Variants in GNG2 observed in about 807,000 individuals in gnomAD.
The protein encoded by GNG2 is G protein subunit gamma 2.
A neutral mutation model predicts 5.5 loss-of-function variants in GNG2; 5 were observed. That is an observed-to-expected ratio of 0.91 (90% confidence interval 0.48 to 1.92). The LOEUF is 1.92. Among genes scored for constraint, GNG2 ranks in the 30% most tolerant of loss-of-function variants. GNG2 has a pLI of 0.01. For missense variants in GNG2, 55 were observed against 88.4 expected (o/e 0.62, Z 1.52); for synonymous variants, 28 against 32.0 (o/e 0.88, Z 0.42).
At chr14:51,962,265 T>C (rs549545992) in intron 3 of GNG2, among the ~76,000 whole-genome samples, 166 of 152,272 alleles carry the variant, frequency 1.1e-3, no homozygotes, top group Non-Finnish European at 2.1e-3. Flanking sequence ...TAGGTACTCC[T>C]TTGTTAACTG....
At chr14:51,929,871 T>C (rs1887551585) in intron 2 of GNG2, among the ~76,000 whole-genome samples, 1 of 152,192 alleles carries the variant, frequency 6.6e-6, no homozygotes, top group Non-Finnish European at 1.5e-5. Flanking sequence ...AAAATGTTTA[T>C]AGGAGGCTCA....
At chr14:51,838,680 A>G (rs973599246) in intron 2 of GNG2, among the ~76,000 whole-genome samples, 1 of 152,242 alleles carries the variant, frequency 6.6e-6, no homozygotes, top group Non-Finnish European at 1.5e-5. Context: ...ACTCCCGTTT[A>G]TATATACATC....
intron 2 of GNG2, among the ~76,000 whole-genome samples, chr14:51,947,250 A>G (rs548272056): frequency 2.0e-4 from 30 of 152,314 alleles, no homozygotes; most frequent in African/African-American, 4.6e-4. Flanking sequence ...TCATGTCCCA[A>G]TTCCCAGAAC....
At chr14:51,963,244 C>T (rs1183260109) in intron 3 of GNG2, among the ~76,000 whole-genome samples, 2 of 152,086 alleles carry the variant, frequency 1.3e-5, no homozygotes, top group African/African-American at 4.8e-5. Context: ...ATCAAATGTT[C>T]AAATATAAAG....
At chr14:51,843,303 T>C (rs1290100633) in intron 2 of GNG2, among the ~76,000 whole-genome samples, 1 of 152,154 alleles carries the variant, frequency 6.6e-6, no homozygotes, top group African/African-American at 2.4e-5. Context: ...TGCTCTTCTC[T>C]CTCTCTTACC....
upstream of GNG2, among the ~76,000 whole-genome samples, chr14:51,855,571 G>A (rs943935757): frequency 1.3e-5 from 2 of 152,186 alleles, no homozygotes; most frequent in African/African-American, 2.4e-5. Flanking sequence ...GCTTTTCTGT[G>A]ATAAAATAAC....
intron 2 of GNG2, among the ~76,000 whole-genome samples, chr14:51,894,113 CA>C (rs1885034532): frequency 6.6e-6 from 1 of 151,756 alleles, no homozygotes; most frequent in Non-Finnish European, 1.5e-5. Context: ...TGTTATATTG[CA>C]AAAAGGGGAA....
At chr14:51,826,243 T>G (rs974555266) in intron 1 of GNG2, 3 of 152,198 alleles carry the variant, frequency 2.0e-5, no homozygotes, top group Admixed American at 1.3e-4. Context: ...ACTGTGGCCC[T>G]TCCTATCTGT....
chr14:51,831,186 C>T (rs1170482846), intron 2 of GNG2, among the ~76,000 whole-genome samples: 1 of 152,226 alleles, frequency 6.6e-6, no homozygotes, highest in East Asian at 1.9e-4. Flanking sequence ...GAGGCCCCTG[C>T]GTTTAATATT....
intron 2 of GNG2, among the ~76,000 whole-genome samples, chr14:51,841,789 C>G (rs1433046477): frequency 6.6e-6 from 1 of 152,070 alleles, no homozygotes; most frequent in South Asian, 2.1e-4. Flanking sequence ...TTCTTTGGGG[C>G]CATACGATGA....
chr14:51,916,237 T>A (rs144329150), intron 2 of GNG2: 4 of 265,072 alleles, frequency 1.5e-5, no homozygotes, highest in African/African-American at 6.9e-5. Flanking sequence ...AGAGGCTAAT[T>A]TTAGACAGAG....
chr14:51,959,341 C>T (rs989591113), intron 3 of GNG2, among the ~76,000 whole-genome samples: 9 of 152,136 alleles, frequency 5.9e-5, no homozygotes, highest in African/African-American at 2.2e-4. Context: ...TCTTCACCCC[C>T]AAAAGTCTGT....
intron 2 of GNG2, among the ~76,000 whole-genome samples, chr14:51,935,041 T>TGG (rs1887901856): frequency 3.4e-5 from 5 of 145,798 alleles, no homozygotes; most frequent in African/African-American, 1.3e-4. Flanking sequence ...TTTTTTTTTT[T>TGG]GGAGACGGAG....
chr14:51,879,740 A>AT (rs1883918306), intron 2 of GNG2, among the ~76,000 whole-genome samples: 1 of 152,132 alleles, frequency 6.6e-6, no homozygotes, highest in Non-Finnish European at 1.5e-5. Flanking sequence ...AGGTTCTCTG[A>AT]TTTTTTAAGT....
chr14:51,857,105 G>T (rs773500829), upstream of GNG2, among the ~76,000 whole-genome samples: 2 of 152,150 alleles, frequency 1.3e-5, no homozygotes, highest in African/African-American at 2.4e-5. Flanking sequence ...TGGGTGAGAT[G>T]CACATCTAAC....
chr14:51,893,722 A>G (rs752039680), intron 2 of GNG2, among the ~76,000 whole-genome samples: 3 of 152,112 alleles, frequency 2.0e-5, no homozygotes, highest in Non-Finnish European at 4.4e-5. Flanking sequence ...AATATTTTAA[A>G]AAACATTTCT....
intron 2 of GNG2, among the ~76,000 whole-genome samples, chr14:51,923,058 G>A (rs1421069808): frequency 6.6e-6 from 1 of 152,158 alleles, no homozygotes; most frequent in African/African-American, 2.4e-5. Context: ...CACGTACAGG[G>A]TGGTTTTGTT....
At chr14:51,894,900 C>T (rs1339313725) in intron 2 of GNG2, among the ~76,000 whole-genome samples, 1 of 151,694 alleles carries the variant, frequency 6.6e-6, no homozygotes, top group Non-Finnish European at 1.5e-5. Flanking sequence ...CATAGTAAAC[C>T]CATTCAAATG....
intron 2 of GNG2, among the ~76,000 whole-genome samples, chr14:51,888,627 G>A (rs1370067111): frequency 6.6e-6 from 1 of 152,080 alleles, no homozygotes; most frequent in Non-Finnish European, 1.5e-5. Flanking sequence ...AATAGTGTAA[G>A]AGAAATTTTT....
Sources: gnomAD v4.1 joint callset for allele counts (sites outside exome capture counted in the v4.1 genomes callset) on GRCh38, gnomAD v4.1.1 for gene constraint, MANE v1.5 for transcripts, NCBI Gene and HGNC (gene_info 2026-07-23, HGNC 2026-07-21) for gene names.